The following ROCK2 variants were observed in gnomAD, a reference collection of about 807,000 sequenced individuals.
ROCK2 encodes the protein Rho associated coiled-coil containing protein kinase 2.
In ROCK2, 61 loss-of-function variants were observed where a neutral mutation model predicts 195.1. That is an observed-to-expected ratio of 0.31 (90% CI 0.25 to 0.39). ROCK2 has a LOEUF of 0.39. Ranked by LOEUF, ROCK2 falls within the 10% of genes least tolerant of loss-of-function variation. ROCK2 has a pLI of 1.00. For missense variants in ROCK2, 1,109 were observed against 1,637.4 expected, an observed-to-expected ratio of 0.68 and a Z score of 5.57; for synonymous variants, 504 against 545.5, an observed-to-expected ratio of 0.92 and a Z score of 1.06.
chr2:11,242,185 T>A (rs1303211272), intron 4 of ROCK2, among the ~76,000 whole-genome samples: 1 of 152,100 alleles, frequency 6.6e-6, no homozygotes, highest in African/African-American at 2.4e-5. Context: ...TAATGGACCA[T>A]GATAGGACAG....
chr2:11,197,392 A>C lies in ROCK2; in HGVS notation c.3280-44T>G. ...CAATAAGTTAATTGGATGCAACATA[A>C]CTCAACATTTTGCTTCTTGGTTCAA... On this transcript the variant is annotated intron_variant, in intron 26 of 32. Coordinates refer to ENST00000315872, the MANE Select transcript of ROCK2 (RefSeq NM_004850.5). The surrounding 1 kb of genome is among the most constrained non-coding windows in gnomAD (Gnocchi z 4.9). 5 of 1,575,500 alleles carry C rather than the reference A, an allele frequency of 3.2e-6. No homozygotes were observed. The highest frequency in any genetic ancestry group is 4.3e-6 in the Non-Finnish European group (5 of 1,152,386).
At chr2:11,279,822 CT>C (rs1240906564) in intron 3 of ROCK2, among the ~76,000 whole-genome samples, 8 of 152,178 alleles carry the variant, frequency 5.3e-5, no homozygotes, top group African/African-American at 1.9e-4. Context: ...AGAAATCATA[CT>C]GTGTCTATTC....
At chr2:11,195,082 G>A in intron 27 of ROCK2, 57 bp from the exon 28 acceptor site, 1 of 910,990 alleles carries the variant, frequency 1.1e-6, no homozygotes, top group Non-Finnish European at 1.7e-6. Flanking sequence ...AGATAACAAA[G>A]AACTTAATAA....
At chr2:11,312,060 G>C (rs900162254) in intron 1 of ROCK2, among the ~76,000 whole-genome samples, 14 of 152,020 alleles carry the variant, frequency 9.2e-5, no homozygotes, top group African/African-American at 3.4e-4. Context: ...AGACACTAAA[G>C]ATTTGCAAAA....
Position 11,344,202 on chromosome 2 carries a change from C to T in ROCK2, c.-66G>A. The stretch of plus-strand genomic sequence containing the variant: ...GGTCCCGCAGCCTCGGGGCCTAGCA[C>T]CGCCCCCGAACCACCAGCTCCGGCC... On this transcript the variant is annotated 5_prime_UTR_variant, in exon 1 of 33. In the 5' UTR this introduces an upstream ATG that the reference lacks. Coordinates refer to ENST00000315872, the MANE Select transcript of ROCK2 (RefSeq NM_004850.5). This position sits in a 1 kb window ranked among gnomAD's most constrained non-coding sequence, Gnocchi z 5.4. 7.4e-7 allele frequency: 1 copy of T among 1,351,474 alleles called. No homozygotes were observed. Among genetic ancestry groups the T allele is most frequent in the Non-Finnish European group, 9.5e-7 (1 of 1,055,838 alleles). The allele number at this position is 1,351,474 out of a possible 1,614,324, so 83.7% of individuals were successfully genotyped here. A position where few individuals can be genotyped will look rare whatever the true frequency, so the allele number is the denominator to read the frequency against.
At chr2:11,313,669 T>A (rs1355603473) in intron 1 of ROCK2, among the ~76,000 whole-genome samples, 1 of 151,982 alleles carries the variant, frequency 6.6e-6, no homozygotes, top group African/African-American at 2.4e-5. Flanking sequence ...TTTTGTTCAC[T>A]TTCAGTAAAT....
rs1431112821 is a variant in ROCK2, at chr2:11,344,098, G to A, written c.39C>T (p.Ala13=). 5 of 1,520,624 alleles carry A rather than the reference G, an allele frequency of 3.3e-6. No individual in the cohort carries two copies. The highest frequency in any genetic ancestry group is 2.6e-5 in the East Asian group (1 of 37,864). The allele number at this position is 1,520,624 out of a possible 1,614,324, so 94.2% of individuals were successfully genotyped here. The change falls in exon 1 of 33, where the codon GCC becomes GCT. Residue 13 remains alanine (A), a synonymous_variant. Transcript: ENST00000315872. This position sits in a 1 kb window ranked among gnomAD's most constrained non-coding sequence, Gnocchi z 5.4. The part of the protein sequence containing the change: ...RPPPTGKMPG[A]PETAPGDGAG... ...CCCCGTCCCCCGGCGCGGTCTCGGG[G>A]GCGCCGGGCATTTTCCCCGTCGGCG...
chr2:11,317,604 A>T (rs1165995048), intron 1 of ROCK2, among the ~76,000 whole-genome samples: 406 of 16,152 alleles, frequency 0.025, 18 homozygotes, highest in East Asian at 0.15. Flanking sequence ...ATATATATAT[A>T]TATATATATT....
At chr2:11,242,370 T>G (rs925183356) in intron 4 of ROCK2, among the ~76,000 whole-genome samples, 2 of 151,240 alleles carry the variant, frequency 1.3e-5, no homozygotes, top group Non-Finnish European at 2.9e-5. Flanking sequence ...ATAAAAGGAG[T>G]CAGAAGTCAA....
intron 6 of ROCK2, among the ~76,000 whole-genome samples, chr2:11,226,451 C>T (rs923735812): frequency 5.9e-5 from 9 of 151,772 alleles, no homozygotes; most frequent in South Asian, 2.1e-4. Context: ...ATTTATTTCA[C>T]GAGAATTACA....
At chr2:11,262,135 T>C (rs891509138) in intron 3 of ROCK2, among the ~76,000 whole-genome samples, 5 of 152,186 alleles carry the variant, frequency 3.3e-5, no homozygotes, top group Non-Finnish European at 7.3e-5. Flanking sequence ...ATAAAAACGT[T>C]GCTCCTATTA....
At position 11,187,541 on chromosome 2, in the gene ROCK2, T is replaced by C. The variant is rs145997811; in HGVS notation, c.4164-4101A>G. 3.4e-3 allele frequency among the ~76,000 whole-genome samples: 514 copies of C among 152,344 alleles called. 8 individuals carry two copies. Among genetic ancestry groups the C allele is most frequent in the African/African-American group, 0.012 (486 of 41,586 alleles). The stretch of plus-strand genomic sequence containing the variant: ...ATCAGGCTGATCACTTTTTTTTACA[T>C]TTAACAGCTATTTCCATAATAATGC... On this transcript the variant is annotated intron_variant, in intron 32 of 32. Transcript: ENST00000315872.
intron 32 of ROCK2, chr2:11,184,799 C>CT: frequency 1.0e-6 from 1 of 969,246 alleles, no homozygotes; most frequent in Non-Finnish European, 1.2e-6. Context: ...AATTTATACT[C>CT]TAACACTCTT....
intron 1 of ROCK2, among the ~76,000 whole-genome samples, chr2:11,305,620 T>G (rs930253506): frequency 1.3e-5 from 2 of 152,166 alleles, no homozygotes; most frequent in South Asian, 2.1e-4. Context: ...TAGGGCTCCT[T>G]GCAGAAATAG....
chr2:11,185,457 G>A (rs527788558), intron 32 of ROCK2, among the ~76,000 whole-genome samples: 1 of 152,264 alleles, frequency 6.6e-6, no homozygotes, highest in East Asian at 1.9e-4. Flanking sequence ...GGCCAGATGC[G>A]GTGGCTCACG....
chr2:11,271,714 C>T (rs948944967), intron 3 of ROCK2, among the ~76,000 whole-genome samples: 3 of 152,140 alleles, frequency 2.0e-5, no homozygotes, highest in African/African-American at 7.2e-5. Context: ...TGAAACAATG[C>T]CATCTGAGGT....
At chr2:11,308,490 T>G in intron 1 of ROCK2, 1 of 1,599,404 alleles carries the variant, frequency 6.3e-7, no homozygotes, top group Non-Finnish European at 8.6e-7. Context: ...GGTACTTTCT[T>G]ACCAAGGTTG....
At chr2:11,261,216 T>C (rs1666214828) in intron 3 of ROCK2, among the ~76,000 whole-genome samples, 2 of 152,228 alleles carry the variant, frequency 1.3e-5, no homozygotes, top group Admixed American at 1.3e-4. Flanking sequence ...CATAACTTAA[T>C]CTACAGAGCA....
chr2:11,219,227 G>T (rs1175110135), intron 9 of ROCK2, among the ~76,000 whole-genome samples: 1 of 151,538 alleles, frequency 6.6e-6, no homozygotes, highest in African/African-American at 2.4e-5. Context: ...GGCCAGGCGT[G>T]GTGGTTCACA....
Sources: allele counts gnomAD v4.1 joint callset (sites outside exome capture counted in the v4.1 genomes callset), GRCh38; gene constraint gnomAD v4.1.1; non-coding constraint Gnocchi (gnomAD v3.1); transcripts MANE v1.5; gene names NCBI Gene and HGNC (gene_info 2026-07-23, HGNC 2026-07-21).